CEP192: variants seen among roughly 807,000 people sequenced by gnomAD.
CEP192 encodes centrosomal protein 192.
Under a neutral mutation model 271.8 loss-of-function variants are expected in CEP192, and 151 were observed. The ratio of observed to expected loss-of-function variants is 0.56; its 90% CI spans 0.49 to 0.64. The LOEUF (loss-of-function observed/expected upper bound fraction) is 0.64. Among genes scored for constraint, CEP192 ranks in the 30% least tolerant of loss-of-function variants. The pLI is 0.00. For missense variants in CEP192, 2,910 were observed against 3,020.5 expected (o/e 0.96, Z 0.86); for synonymous variants, 995 against 1,076.5 (o/e 0.92, Z 1.48).
intron 9 of CEP192, among the ~76,000 whole-genome samples, 167 bp downstream of exon 9, chr18:13,019,373 C>T (rs2034853837): frequency 6.6e-6 from 1 of 152,024 alleles, no homozygotes; most frequent in Non-Finnish European, 1.5e-5. Context: ...AAGTATCATA[C>T]AATTATATAC....
intron 36 of CEP192, among the ~76,000 whole-genome samples, chr18:13,098,219 G>A (rs2039507708): frequency 6.6e-6 from 1 of 152,120 alleles, no homozygotes; most frequent in Non-Finnish European, 1.5e-5. Context: ...CAGTAGGGGC[G>A]GCCGGGCAGA....
intron 37 of CEP192, 52 bp downstream of exon 37, chr18:13,099,633 G>T (rs771524334): frequency 8.0e-6 from 7 of 873,664 alleles, no homozygotes; most frequent in Non-Finnish European, 1.3e-5. Flanking sequence ...TCTGTTTGTA[G>T]CTTCAGTTTT....
intron 40 of CEP192, among the ~76,000 whole-genome samples, chr18:13,108,279 T>TA (rs1275954089): frequency 2.0e-5 from 3 of 152,032 alleles, no homozygotes; most frequent in Admixed American, 6.6e-5. Flanking sequence ...GCAATTGTAA[T>TA]AAAAAAACAC....
At chr18:13,071,938 G>T (rs955947557) in intron 28 of CEP192, among the ~76,000 whole-genome samples, 1 of 152,124 alleles carries the variant, frequency 6.6e-6, no homozygotes, top group African/African-American at 2.4e-5. Flanking sequence ...ACTTGAAAAT[G>T]ATAACCACAG....
intron 30 of CEP192, among the ~76,000 whole-genome samples, chr18:13,084,846 C>T (rs1253537917): frequency 2.6e-5 from 4 of 151,660 alleles, no homozygotes; most frequent in Non-Finnish European, 5.9e-5. Context: ...CAGAGTCTTC[C>T]TCTGTTGCCC....
chr18:13,120,827 T>G (rs1057392472), intron 44 of CEP192, among the ~76,000 whole-genome samples: 1 of 152,222 alleles, frequency 6.6e-6, no homozygotes. Context: ...TTTGGTAAAG[T>G]ATGAGTAAGA....
chr18:13,105,232 G>T (rs62095833), intron 40 of CEP192, among the ~76,000 whole-genome samples, 153 bp downstream of exon 40: 1 of 152,172 alleles, frequency 6.6e-6, no homozygotes, highest in African/African-American at 2.4e-5. Flanking sequence ...CTTACAATGC[G>T]CTGTAGCAGA....
chr18:13,008,738 C>T (rs1458646121), intron 4 of CEP192, 107 bp downstream of exon 4: 4 of 871,308 alleles, frequency 4.6e-6, no homozygotes, highest in Non-Finnish European at 6.9e-6. Context: ...GGTCGCACTC[C>T]TGTCGCCCAG....
intron 13 of CEP192, among the ~76,000 whole-genome samples, chr18:13,040,218 A>T (rs2036130671): frequency 2.0e-5 from 3 of 152,236 alleles, no homozygotes; most frequent in Admixed American, 2.0e-4. Context: ...ATTTGCATTC[A>T]AGTTACTGAA....
chr18:13,063,700 G>A (rs1262022462), intron 21 of CEP192, among the ~76,000 whole-genome samples: 1 of 152,038 alleles, frequency 6.6e-6, no homozygotes, highest in African/African-American at 2.4e-5. Context: ...ATCCTTTGCT[G>A]GGTAGAAGCT....
At chr18:13,057,509 G>T in intron 19 of CEP192, 76 bp from the exon 20 acceptor site, 1 of 1,516,826 alleles carries the variant, frequency 6.6e-7, no homozygotes, top group Non-Finnish European at 9.0e-7. Flanking sequence ...TAAACTCATT[G>T]CCATTTAACA....
At chr18:13,101,955 G>A (rs1198175589) in intron 38 of CEP192, among the ~76,000 whole-genome samples, 1 of 151,988 alleles carries the variant, frequency 6.6e-6, no homozygotes, top group African/African-American at 2.4e-5. Flanking sequence ...CTCCCTCTCT[G>A]TTCCTGCCTG....
intron 8 of CEP192, 117 bp from the exon 9 acceptor site, chr18:13,018,965 C>T: frequency 1.0e-6 from 1 of 968,628 alleles, no homozygotes; most frequent in Non-Finnish European, 1.5e-6. Context: ...CTAAATTTGT[C>T]ATAGGAGTGC....
intron 30 of CEP192, among the ~76,000 whole-genome samples, chr18:13,073,983 T>G (rs1186664111): frequency 6.6e-6 from 1 of 152,108 alleles, no homozygotes; most frequent in Non-Finnish European, 1.5e-5. Flanking sequence ...TTTGAAGCCA[T>G]TTGTACAGAC....
rs188378445 is a variant in CEP192, at chr18:13,122,507, G to C, written c.7476-2125G>C. Among the ~76,000 whole-genome samples the C allele has an allele frequency of 2.4e-4, 36 of 152,342 alleles. 1 individual carries two copies. In the South Asian group the frequency reaches 6.8e-3, roughly 29 times the overall value. On this transcript the variant is annotated intron_variant, in intron 44 of 44. Coordinates refer to ENST00000506447, the MANE Select transcript of CEP192 (RefSeq NM_032142.4). ...GAGGCAGGAGAATGGCTTGAACCAG[G>C]GAAACAGAGGTTGCAGTGAGCTGAG...
chr18:13,064,029 C>T (rs1447486295), intron 21 of CEP192, among the ~76,000 whole-genome samples: 1 of 151,726 alleles, frequency 6.6e-6, no homozygotes, highest in Non-Finnish European at 1.5e-5. Flanking sequence ...CCATATTGGC[C>T]AGGCTGGTCT....
intron 1 of CEP192, among the ~76,000 whole-genome samples, chr18:12,996,814 A>G (rs1599014769): frequency 6.6e-6 from 1 of 152,196 alleles, no homozygotes; most frequent in Non-Finnish European, 1.5e-5. Context: ...ATAGTATGCT[A>G]CGGCTTGGCA....
intron 9 of CEP192, 87 bp from the exon 10 acceptor site, chr18:13,029,576 A>G (rs16940054): frequency 0.097 from 77,429 of 796,184 alleles, 5,521 homozygotes; most frequent in African/African-American, 0.29. Flanking sequence ...TATCAACTAT[A>G]TAATTTTTCC....
intron 30 of CEP192, among the ~76,000 whole-genome samples, chr18:13,080,479 A>G (rs553626299): frequency 1.3e-3 from 195 of 152,280 alleles, no homozygotes; most frequent in East Asian, 1.2e-3. Context: ...ATTTTTGCAC[A>G]CTGATTTTGT....
Sources: allele counts gnomAD v4.1 joint callset (sites outside exome capture counted in the v4.1 genomes callset), GRCh38; gene constraint gnomAD v4.1.1; transcripts MANE v1.5; gene names NCBI Gene and HGNC (gene_info 2026-07-23, HGNC 2026-07-21).